Variants in NRG1 observed in about 807,000 individuals in gnomAD.
NRG1 encodes the protein neuregulin 1.
Under a neutral mutation model 63.8 loss-of-function variants are expected in NRG1, and 18 were observed. That is an observed-to-expected ratio of 0.28 (90% confidence interval 0.19 to 0.42). The LOEUF (loss-of-function observed/expected upper bound fraction) is 0.42, where lower values mean the gene tolerates loss of function less well. Among genes scored for constraint, NRG1 ranks in the 10% least tolerant of loss-of-function variants. The pLI, the probability that NRG1 is intolerant of heterozygous loss-of-function variation, is 1.00. For synonymous variants in NRG1, 302 were observed against 301.3 expected (o/e 1.00, Z -0.02); for missense variants, 762 against 814.7 (o/e 0.94, Z 0.79).
chr8:32,083,238 G>T (rs1433462071), intron 1 of NRG1, among the ~76,000 whole-genome samples: 1 of 152,174 alleles, frequency 6.6e-6, no homozygotes, highest in Non-Finnish European at 1.5e-5. Flanking sequence ...TGATGGTTAG[G>T]AAACAGAAAA....
intron 1 of NRG1, among the ~76,000 whole-genome samples, chr8:31,668,433 A>C (rs1396138340): frequency 6.6e-6 from 1 of 152,318 alleles, no homozygotes; most frequent in Non-Finnish European, 1.5e-5. Context: ...AGAGAGGGAT[A>C]TCTCTTTGTC....
intron 1 of NRG1, among the ~76,000 whole-genome samples, chr8:31,673,157 T>C (rs1284861926): frequency 1.3e-5 from 2 of 152,150 alleles, no homozygotes; most frequent in African/African-American, 4.8e-5. Context: ...AGGGTCTTTG[T>C]TAAACTTGCA....
intron 1 of NRG1, among the ~76,000 whole-genome samples, chr8:31,814,284 G>T (rs1419422106): frequency 6.6e-6 from 1 of 152,216 alleles, no homozygotes; most frequent in African/African-American, 2.4e-5. Flanking sequence ...ACCCAGTGTA[G>T]TGTCTGGGAT....
intron 1 of NRG1, among the ~76,000 whole-genome samples, chr8:32,303,926 TTAAAA>T (rs1314276466): frequency 2.0e-4 from 30 of 152,316 alleles, no homozygotes; most frequent in African/African-American, 6.7e-4. Context: ...AGTCTCTCAA[TTAAAA>T]TAAAAGCTGT....
intron 1 of NRG1, among the ~76,000 whole-genome samples, chr8:31,930,786 C>A (rs1328374770): frequency 6.6e-6 from 1 of 152,100 alleles, no homozygotes; most frequent in Non-Finnish European, 1.5e-5. Context: ...TTTTTTAGGG[C>A]AACTTGCTGG....
intron 1 of NRG1, among the ~76,000 whole-genome samples, chr8:32,314,985 C>T (rs1177816781): frequency 6.6e-6 from 1 of 152,078 alleles, no homozygotes; most frequent in African/African-American, 2.4e-5. Context: ...ATGTCACCTC[C>T]TCCAAGAAGC....
intron 5 of NRG1, among the ~76,000 whole-genome samples, chr8:32,697,421 G>T (rs1339916239): frequency 6.6e-6 from 1 of 152,214 alleles, no homozygotes; most frequent in Non-Finnish European, 1.5e-5. Flanking sequence ...TTAGAGGATT[G>T]CTTAGTGCTG....
chr8:32,546,229 T>G (rs1833047740), upstream of NRG1, among the ~76,000 whole-genome samples: 1 of 152,134 alleles, frequency 6.6e-6, no homozygotes, highest in Non-Finnish European at 1.5e-5. Flanking sequence ...CAGTAAGCTG[T>G]TTTGTTGAAG....
chr8:31,877,646 G>C (rs1830031313), intron 1 of NRG1, among the ~76,000 whole-genome samples: 1 of 152,018 alleles, frequency 6.6e-6, no homozygotes, highest in African/African-American at 2.4e-5. Context: ...CATATGTTTG[G>C]TCATACATCT....
At chr8:32,237,911 T>C (rs1347900740) in intron 1 of NRG1, among the ~76,000 whole-genome samples, 1 of 152,148 alleles carries the variant, frequency 6.6e-6, no homozygotes, top group Non-Finnish European at 1.5e-5. Context: ...TCACTAACTA[T>C]TTATAAGACC....
chr8:32,233,565 T>TATA (rs1563934722), intron 1 of NRG1, among the ~76,000 whole-genome samples: 82 of 19,566 alleles, frequency 4.2e-3, no homozygotes, highest in African/African-American at 5.2e-3. Flanking sequence ...ATATATATAT[T>TATA]TTTTTTTTTT....
intron 5 of NRG1, among the ~76,000 whole-genome samples, chr8:32,714,935 T>A (rs1457475003): frequency 6.6e-6 from 1 of 152,192 alleles, no homozygotes; most frequent in Non-Finnish European, 1.5e-5. Context: ...CAGATTTTGA[T>A]AACCTTTTTA....
chr8:32,671,159 A>G (rs79086552), intron 5 of NRG1, among the ~76,000 whole-genome samples: 1 of 151,550 alleles, frequency 6.6e-6, no homozygotes, highest in Non-Finnish European at 1.5e-5. Context: ...TTAAAAAAAA[A>G]TTATCCTTGA....
At chr8:32,670,410 G>C (rs887935312) in intron 5 of NRG1, among the ~76,000 whole-genome samples, 1 of 152,002 alleles carries the variant, frequency 6.6e-6, no homozygotes, top group African/African-American at 2.4e-5. Flanking sequence ...GAGTTTTCCA[G>C]GCCTCTCTTC....
At chr8:32,215,629 C>G (rs1215547210) in intron 1 of NRG1, among the ~76,000 whole-genome samples, 1 of 152,184 alleles carries the variant, frequency 6.6e-6, no homozygotes. Context: ...TCTATTGCCT[C>G]TATACTTAAT....
chr8:32,558,566 G>A (rs934013276), intron 1 of NRG1, among the ~76,000 whole-genome samples: 1 of 152,204 alleles, frequency 6.6e-6, no homozygotes, highest in Non-Finnish European at 1.5e-5. Context: ...GGACCTGTGT[G>A]TTTGGGAGAG....
chr8:31,836,314 C>T (rs942236429), intron 1 of NRG1, among the ~76,000 whole-genome samples: 6 of 152,078 alleles, frequency 3.9e-5, no homozygotes, highest in African/African-American at 1.4e-4. Context: ...GTGACTTTAT[C>T]ATATTTATTT....
At chr8:32,245,758 G>T (rs1469628172) in intron 1 of NRG1, among the ~76,000 whole-genome samples, 6 of 152,082 alleles carry the variant, frequency 3.9e-5, no homozygotes, top group Non-Finnish European at 7.4e-5. Flanking sequence ...ACTACATAGG[G>T]TTTCTTATAT....
intron 1 of NRG1, among the ~76,000 whole-genome samples, chr8:32,509,336 C>T (rs1048997733): frequency 3.3e-5 from 5 of 151,186 alleles, no homozygotes; most frequent in African/African-American, 1.2e-4. Context: ...TCAAATGAAC[C>T]TCCCACCTGG....
Sources: allele counts gnomAD v4.1 joint callset (sites outside exome capture counted in the v4.1 genomes callset), GRCh38; gene constraint gnomAD v4.1.1; transcripts MANE v1.5; gene names NCBI Gene and HGNC (gene_info 2026-07-23, HGNC 2026-07-21).